CA5A: variants seen among roughly 807,000 people sequenced by gnomAD.
The protein encoded by CA5A is carbonic anhydrase 5A, mitochondrial.
In CA5A, 28 loss-of-function variants were observed where a neutral mutation model predicts 37.1. That is an observed-to-expected ratio of 0.75 (90% CI 0.56 to 1.03). CA5A has a LOEUF of 1.03. CA5A is among the 50% of genes least tolerant of loss of function. The probability of loss-of-function intolerance (pLI) is 0.00; values close to 1 mark genes in which losing one functional copy is unlikely to be tolerated. For missense variants in CA5A, 444 were observed against 399.9 expected (o/e 1.11, Z -0.94); for synonymous variants, 171 against 158.4 (o/e 1.08, Z -0.60).
intron 2 of CA5A, among the ~76,000 whole-genome samples, chr16:87,925,378 C>T (rs541874113): frequency 1.3e-5 from 2 of 152,166 alleles, no homozygotes; most frequent in African/African-American, 2.4e-5. Flanking sequence ...ACGGACAGGA[C>T]GGACTTAATT....
chr16:87,928,076 G>A (rs1355460926), intron 1 of CA5A, among the ~76,000 whole-genome samples: 3 of 152,072 alleles, frequency 2.0e-5, no homozygotes, highest in African/African-American at 7.3e-5. Flanking sequence ...GAGTCCCCTT[G>A]CTTGGGGATG....
intron 2 of CA5A, among the ~76,000 whole-genome samples, chr16:87,910,632 C>T (rs183929859): frequency 2.2e-4 from 33 of 152,220 alleles, no homozygotes; most frequent in Admixed American, 1.4e-3. Context: ...GGCTGGAGCG[C>T]GGTGGGGTGC....
At chr16:87,922,286 G>T (rs1199925503) in intron 2 of CA5A, among the ~76,000 whole-genome samples, 1 of 152,128 alleles carries the variant, frequency 6.6e-6, no homozygotes, top group Non-Finnish European at 1.5e-5. Context: ...GAGGTTCCAG[G>T]GAAAGTTGCG....
chr16:87,898,803 C>T (rs978433209), intron 5 of CA5A, among the ~76,000 whole-genome samples: 12 of 148,208 alleles, frequency 8.1e-5, no homozygotes, highest in Non-Finnish European at 1.0e-4. Flanking sequence ...GGCACGATCT[C>T]GGCTCACTGC....
At chr16:87,920,497 A>T (rs1328366514) in intron 2 of CA5A, among the ~76,000 whole-genome samples, 1 of 151,080 alleles carries the variant, frequency 6.6e-6, no homozygotes, top group Non-Finnish European at 1.5e-5. Flanking sequence ...TTTAGTAGAG[A>T]CGGGGTTTCA....
rs201097814 is a variant in CA5A, at chr16:87,936,486, G to T, written c.-36C>A. 5.0e-5 allele frequency: 80 copies of T among 1,611,122 alleles called. No individual in the cohort carries two copies. Among genetic ancestry groups the T allele is most frequent in the Non-Finnish European group, 6.5e-5 (77 of 1,179,074 alleles). On this transcript the variant is annotated 5_prime_UTR_variant, in exon 1 of 7. Transcript: ENST00000649794. ...TTCCCACTGACTCCAGTCTGAAGAGGGTGATGTTCCCTGCTGTCTGTTCTC... is the reference window on the plus strand; with the variant it reads ...TTCCCACTGACTCCAGTCTGAAGAGTGTGATGTTCCCTGCTGTCTGTTCTC...
intron 2 of CA5A, chr16:87,924,167 G>C: frequency 1.0e-6 from 1 of 985,412 alleles, no homozygotes; most frequent in Non-Finnish European, 1.2e-6. Context: ...TCTCCGAGCT[G>C]GTCTTGTCCT....
intron 5 of CA5A, among the ~76,000 whole-genome samples, chr16:87,894,137 T>C (rs1015016376): frequency 1.1e-4 from 17 of 152,122 alleles, no homozygotes; most frequent in African/African-American, 3.6e-4. Context: ...TTATTTTTTT[T>C]ATTTTTTTTG....
chr16:87,917,494 C>T (rs149569355), intron 2 of CA5A, among the ~76,000 whole-genome samples: 1 of 152,330 alleles, frequency 6.6e-6, no homozygotes, highest in Non-Finnish European at 1.5e-5. Flanking sequence ...AGAGAGGGGA[C>T]ACTGACTTCT....
At chr16:87,913,792 C>A (rs1398213519) in intron 2 of CA5A, among the ~76,000 whole-genome samples, 1 of 152,156 alleles carries the variant, frequency 6.6e-6, no homozygotes, top group African/African-American at 2.4e-5. Flanking sequence ...GTAGCTGGCC[C>A]GTCCTGCACA....
At chr16:87,901,135 C>G (rs1028036917) in intron 5 of CA5A, among the ~76,000 whole-genome samples, 4 of 152,150 alleles carry the variant, frequency 2.6e-5, no homozygotes, top group Admixed American at 1.3e-4. Context: ...GAGGCTGAGG[C>G]AAGAGAATTG....
chr16:87,891,745 C>G (rs1343097621), intron 6 of CA5A, 54 bp downstream of exon 6: 1 of 1,413,990 alleles, frequency 7.1e-7, no homozygotes, highest in South Asian at 1.6e-5. Context: ...CGCTGCCAAG[C>G]AAGAGGGACG....
intron 5 of CA5A, among the ~76,000 whole-genome samples, chr16:87,894,129 A>T (rs1199035606): frequency 3.3e-5 from 5 of 151,336 alleles, no homozygotes; most frequent in Non-Finnish European, 7.4e-5. Context: ...ATAACTTTTT[A>T]TTTTTTTTAT....
chr16:87,903,708 G>A (rs2055914772), intron 3 of CA5A, among the ~76,000 whole-genome samples: 1 of 152,154 alleles, frequency 6.6e-6, no homozygotes, highest in South Asian at 2.1e-4. Flanking sequence ...CACATTAACT[G>A]CAGCATTACT....
chr16:87,924,670 C>G (rs1236480633), intron 2 of CA5A, among the ~76,000 whole-genome samples: 1 of 152,248 alleles, frequency 6.6e-6, no homozygotes, highest in Non-Finnish European at 1.5e-5. Flanking sequence ...CTGGGCAGAC[C>G]TCCCCGTGAC....
rs149048620 is a variant in CA5A at position 87,934,209 on chromosome 16, C to T, written c.142+2100G>A. On this transcript the variant is annotated intron_variant, in intron 1 of 6. Coordinates refer to ENST00000649794, the MANE Select transcript of CA5A (RefSeq NM_001739.2). ...GACCCTTCTCCCAACGACACTGTGC[C>T]GTAAGCACCATTATCAACCCCCTGT... Among the ~76,000 whole-genome samples, 1,346 of 152,354 alleles carry T rather than the reference C, an allele frequency of 8.8e-3. 17 individuals are homozygous for T. The highest frequency in any genetic ancestry group is 0.011 in the Non-Finnish European group (729 of 68,034).
chr16:87,895,366 C>G (rs1022996468), intron 5 of CA5A, among the ~76,000 whole-genome samples: 2 of 152,032 alleles, frequency 1.3e-5, no homozygotes, highest in African/African-American at 4.8e-5. Context: ...ACCAACATGG[C>G]GAAACCATGT....
At chr16:87,913,139 T>C (rs528878820) in intron 2 of CA5A, among the ~76,000 whole-genome samples, 1 of 151,910 alleles carries the variant, frequency 6.6e-6, no homozygotes, top group South Asian at 2.1e-4. Context: ...CCACCACAAC[T>C]GGCTAATTTT....
chr16:87,908,080 G>A lies in CA5A; in HGVS notation c.341-3176C>T, dbSNP rs1429531426. ...AACGAATGGGATTAGTCAGTCCACT[G>A]ATTTATTCATCGAATCACTTGGTCG... On this transcript the variant is annotated intron_variant, in intron 2 of 6. Coordinates refer to ENST00000649794, the MANE Select transcript of CA5A (RefSeq NM_001739.2). Among the ~76,000 whole-genome samples the A allele has an allele frequency of 8.6e-5, 13 of 151,868 alleles. No individual in the cohort carries two copies. In the East Asian group the frequency reaches 2.5e-3, roughly 29 times the overall value.
Sources: gnomAD v4.1 joint callset for allele counts (sites outside exome capture counted in the v4.1 genomes callset) on GRCh38, gnomAD v4.1.1 for gene constraint, MANE v1.5 for transcripts, NCBI Gene and HGNC (gene_info 2026-07-23, HGNC 2026-07-21) for gene names.